The following TRMT11 variants were observed in gnomAD, a reference collection of about 807,000 sequenced individuals.
TRMT11 encodes the protein tRNA (guanine(10)-N(2))-methyltransferase TRMT11.
TRMT11 carries 53 observed loss-of-function variants against 62.8 expected under a neutral mutation model. The observed-to-expected ratio is 0.84, with a 90% confidence interval of 0.68 to 1.06. The LOEUF is 1.06. TRMT11 is among the 50% of genes least tolerant of loss of function. TRMT11 has a pLI of 0.00. For missense variants in TRMT11, 556 were observed against 553.4 expected (o/e 1.00, Z -0.05); for synonymous variants, 188 against 190.3 (o/e 0.99, Z 0.10).
intron 1 of TRMT11, among the ~76,000 whole-genome samples, chr6:126,180,844 ACT>A (rs980710717): frequency 2.2e-4 from 34 of 152,270 alleles, no homozygotes; most frequent in African/African-American, 8.2e-4. Context: ...TAGCAACATG[ACT>A]CTGATGACAA....
the TRMT11 span, among the ~76,000 whole-genome samples, chr6:126,267,385 A>G: frequency 6.6e-6 from 1 of 152,228 alleles, no homozygotes; most frequent in South Asian, 2.1e-4. Flanking sequence ...TAATTTTAGG[A>G]TTTATGACTC....
chr6:126,093,631 A>ATATATTTTTTTTTT lies in TRMT11; in HGVS notation c.*1438-19234_*1438-19233insATATTTTTTTTTTT, dbSNP rs1554236842. ...TATATATATATATATATATATATAT[A>ATATATTTTTTTTTT]TTTTCCCCCAGTCCTGGAGGATCAA... On this transcript the variant is annotated intron_variant and NMD_transcript_variant, in intron 17 of 22. Transcript: ENST00000648977. Among the ~76,000 whole-genome samples, 18 of 98,016 alleles carry ATATATTTTTTTTTT rather than the reference A, an allele frequency of 1.8e-4. 1 individual carries two copies. Among genetic ancestry groups the ATATATTTTTTTTTT allele is most frequent in the African/African-American group, 7.9e-4 (18 of 22,898 alleles). 64.3% of individuals were successfully genotyped at this position (98,016 alleles called of 152,430 possible).
At chr6:126,001,759 T>C (rs951066339) in intron 7 of TRMT11, among the ~76,000 whole-genome samples, 16 of 152,096 alleles carry the variant, frequency 1.1e-4, no homozygotes, top group Admixed American at 9.2e-4. Flanking sequence ...AGTTTTTACT[T>C]TGATGGTTTC....
At chr6:126,071,732 C>T (rs1562315210) in intron 17 of TRMT11, among the ~76,000 whole-genome samples, 1 of 151,072 alleles carries the variant, frequency 6.6e-6, no homozygotes, top group African/African-American at 2.4e-5. Flanking sequence ...GATTAGAAGT[C>T]ACACTACAAT....
intron 21 of TRMT11, among the ~76,000 whole-genome samples, chr6:126,159,068 A>G (rs1778157771): frequency 6.6e-6 from 1 of 152,012 alleles, no homozygotes; most frequent in Non-Finnish European, 1.5e-5. Context: ...AGAGTGTGCT[A>G]ATTTTTCTTC....
At chr6:126,017,066 A>G (rs1795096638) in intron 11 of TRMT11, among the ~76,000 whole-genome samples, 1 of 152,198 alleles carries the variant, frequency 6.6e-6, no homozygotes, top group Non-Finnish European at 1.5e-5. Context: ...AATAATATTC[A>G]TTTGAATTAA....
At chr6:126,036,890 T>G (rs1775293297) in intron 12 of TRMT11, among the ~76,000 whole-genome samples, 1 of 152,102 alleles carries the variant, frequency 6.6e-6, no homozygotes, top group Admixed American at 6.6e-5. Flanking sequence ...CAGACTTGAG[T>G]CTACCTGTGG....
chr6:126,107,651 G>C (rs1009870521), intron 17 of TRMT11, among the ~76,000 whole-genome samples: 2 of 152,126 alleles, frequency 1.3e-5, no homozygotes, highest in Non-Finnish European at 2.9e-5. Flanking sequence ...GAATAAGCAA[G>C]GAATCCTGTG....
intron 17 of TRMT11, among the ~76,000 whole-genome samples, chr6:126,103,970 G>T (rs146222231): frequency 1.5e-3 from 221 of 152,288 alleles, no homozygotes; most frequent in African/African-American, 4.7e-3. Flanking sequence ...CCACCTTGGA[G>T]CCTATCCACC....
At chr6:125,988,132 AGC>A (rs1789978058) in intron 1 of TRMT11, among the ~76,000 whole-genome samples, 1 of 152,242 alleles carries the variant, frequency 6.6e-6, no homozygotes, top group Admixed American at 6.5e-5. Flanking sequence ...AGTTTTAGGA[AGC>A]AGGGACAAAT....
chr6:126,243,131 A>G, the TRMT11 span, among the ~76,000 whole-genome samples: 2 of 152,382 alleles, frequency 1.3e-5, no homozygotes, highest in East Asian at 3.9e-4. Flanking sequence ...GAAGGATATG[A>G]ACAGACACTT....
chr6:126,226,540 A>G, the TRMT11 span, among the ~76,000 whole-genome samples: 1 of 152,192 alleles, frequency 6.6e-6, no homozygotes, highest in African/African-American at 2.4e-5. Context: ...AATAATTTCT[A>G]TATGGAAATG....
the TRMT11 span, among the ~76,000 whole-genome samples, chr6:126,246,331 T>C: frequency 2.0e-5 from 3 of 152,232 alleles, no homozygotes; most frequent in African/African-American, 7.2e-5. Flanking sequence ...TATGGTGTAG[T>C]AGATCACCTT....
upstream of TRMT11, among the ~76,000 whole-genome samples, chr6:126,174,132 C>A (rs983273201): frequency 2.6e-5 from 4 of 152,200 alleles, no homozygotes; most frequent in African/African-American, 4.8e-5. Flanking sequence ...CAGCCTCTCA[C>A]TCCCCACTGT....
At chr6:126,204,112 C>T (rs922953012), downstream of TRMT11, among the ~76,000 whole-genome samples, 5 of 152,102 alleles carry the variant, frequency 3.3e-5, no homozygotes, top group South Asian at 2.1e-4. Context: ...TTAAATAAAA[C>T]GATAGGCATT....
At chr6:126,084,513 G>A (rs1269654010) in intron 17 of TRMT11, among the ~76,000 whole-genome samples, 4 of 151,936 alleles carry the variant, frequency 2.6e-5, no homozygotes, top group Non-Finnish European at 4.4e-5. Context: ...CAATCCATAG[G>A]CTACTGTTTC....
the TRMT11 span, among the ~76,000 whole-genome samples, chr6:126,243,488 A>G: frequency 6.6e-6 from 1 of 152,198 alleles, no homozygotes; most frequent in Admixed American, 6.5e-5. Context: ...ATGCACACGT[A>G]TGTTTATTGC....
the TRMT11 span, among the ~76,000 whole-genome samples, chr6:126,255,282 A>G: frequency 6.6e-6 from 1 of 152,226 alleles, no homozygotes. Context: ...AGCAAATATC[A>G]CAGGCTCTCT....
chr6:126,222,714 G>C, the TRMT11 span, among the ~76,000 whole-genome samples: 1 of 151,918 alleles, frequency 6.6e-6, no homozygotes, highest in Non-Finnish European at 1.5e-5. Flanking sequence ...TTGAGCCTGT[G>C]GATAACATTG....
Sources: gnomAD v4.1 joint callset for allele counts (sites outside exome capture counted in the v4.1 genomes callset) on GRCh38, gnomAD v4.1.1 for gene constraint, MANE v1.5 for transcripts, NCBI Gene and HGNC (gene_info 2026-07-23, HGNC 2026-07-21) for gene names.